Variants in TPTE observed in about 807,000 individuals in gnomAD.
The protein encoded by TPTE is transmembrane phosphatase with tensin homology, also known as putative tyrosine-protein phosphatase TPTE.
TPTE carries 59 observed loss-of-function variants against 84.1 expected under a neutral mutation model. The observed-to-expected ratio is 0.70, with a 90% CI of 0.57 to 0.87. TPTE has a LOEUF of 0.87. Among genes scored for constraint, TPTE ranks in the 40% least tolerant of loss-of-function variants. TPTE has a pLI of 0.00. For missense variants in TPTE, 382 were observed against 659.6 expected, an observed-to-expected ratio of 0.58 and a Z score of 4.61; for synonymous variants, 130 against 223.5, an observed-to-expected ratio of 0.58 and a Z score of 3.73.
At chr21:10,555,337 G>C (rs1370061166) in intron 8 of TPTE, among the ~76,000 whole-genome samples, 1 of 152,304 alleles carries the variant, frequency 6.6e-6, no homozygotes, top group Non-Finnish European at 1.5e-5. Context: ...CTCCTGAGTA[G>C]CTGGGACTAC....
intron 22 of TPTE, among the ~76,000 whole-genome samples, chr21:10,603,292 C>G (rs1295518414): frequency 2.0e-5 from 3 of 152,416 alleles, no homozygotes; most frequent in African/African-American, 7.2e-5. Context: ...AAACCAGATT[C>G]AAATAGCAGC....
At position 10,547,976 on chromosome 21, in the gene TPTE, A is replaced by C. The variant is rs1427578985; in HGVS notation, c.173+4594A>C. Among the ~76,000 whole-genome samples the C allele has an allele frequency of 2.0e-5, 3 of 152,302 alleles. No homozygotes were observed. In the South Asian group the frequency reaches 6.2e-4, roughly 31 times the overall value. On this transcript the variant is annotated intron_variant, in intron 7 of 23. Coordinates refer to ENST00000618007, the MANE Select transcript of TPTE (RefSeq NM_199261.4). ...ACACCCACAGGTCAACAGAGTGACT[A>C]TGAGCCCATGCTCAGGACCTGAGAA...
intron 10 of TPTE, among the ~76,000 whole-genome samples, chr21:10,562,237 A>G (rs1205303508): frequency 6.6e-6 from 1 of 152,312 alleles, no homozygotes; most frequent in Non-Finnish European, 1.5e-5. Flanking sequence ...AGTTCTTTCA[A>G]ATATCTGGAA....
chr21:10,521,760 G>C (rs381935), intron 1 of TPTE, 66 bp downstream of exon 1: 9 of 151,138 alleles, frequency 6.0e-5, no homozygotes, highest in African/African-American at 1.9e-4. Context: ...TTGTTGGGGG[G>C]GGGTCTTGGA....
At chr21:10,553,218 A>G (rs924219267) in intron 8 of TPTE, among the ~76,000 whole-genome samples, 6 of 152,306 alleles carry the variant, frequency 3.9e-5, no homozygotes, top group Admixed American at 3.9e-4. Flanking sequence ...ACTGACCTGA[A>G]GGCATTTTAT....
chr21:10,533,473 C>T (rs1463805476), intron 3 of TPTE, among the ~76,000 whole-genome samples: 3 of 152,306 alleles, frequency 2.0e-5, no homozygotes, highest in African/African-American at 7.2e-5. Flanking sequence ...AGTTGTATTC[C>T]TCAGATATCT....
chr21:10,583,066 G>A (rs796904515), intron 17 of TPTE, among the ~76,000 whole-genome samples: 9 of 152,376 alleles, frequency 5.9e-5, no homozygotes, highest in African/African-American at 2.2e-4. Context: ...CACGTTTCTT[G>A]TTGCACATGT....
chr21:10,545,829 A>G (rs2074456507), intron 7 of TPTE, among the ~76,000 whole-genome samples: 1 of 151,758 alleles, frequency 6.6e-6, no homozygotes, highest in Non-Finnish European at 1.5e-5. Flanking sequence ...ATCTATATAT[A>G]CATATCTATA....
intron 14 of TPTE, among the ~76,000 whole-genome samples, chr21:10,573,753 G>A (rs1355802494): frequency 6.6e-6 from 1 of 152,284 alleles, no homozygotes; most frequent in Non-Finnish European, 1.5e-5. Flanking sequence ...TTTTTTAAAT[G>A]AAAGGAAAGA....
intron 17 of TPTE, among the ~76,000 whole-genome samples, chr21:10,581,513 C>A (rs2145742972): frequency 6.6e-6 from 1 of 152,424 alleles, no homozygotes; most frequent in Non-Finnish European, 1.5e-5. Flanking sequence ...CGAGAGCAGC[C>A]TCTTTTTTAT....
chr21:10,531,179 T>A (rs556719730), intron 3 of TPTE, among the ~76,000 whole-genome samples: 29 of 152,408 alleles, frequency 1.9e-4, no homozygotes, highest in African/African-American at 6.7e-4. Flanking sequence ...TGTTATTGTT[T>A]GGAGATTTGT....
intron 7 of TPTE, among the ~76,000 whole-genome samples, chr21:10,549,803 G>C (rs1403832431): frequency 6.6e-6 from 1 of 152,310 alleles, no homozygotes; most frequent in Non-Finnish European, 1.5e-5. Flanking sequence ...CCTAACTCTT[G>C]AGGGAGAGCT....
chr21:10,575,944 G>C (rs1600936215), intron 14 of TPTE, among the ~76,000 whole-genome samples: 1 of 152,310 alleles, frequency 6.6e-6, no homozygotes, highest in Non-Finnish European at 1.5e-5. Flanking sequence ...AACATGCTGG[G>C]AAGGTTGCAG....
At chr21:10,588,589 C>A (rs1474639945) in intron 17 of TPTE, among the ~76,000 whole-genome samples, 1 of 152,310 alleles carries the variant, frequency 6.6e-6, no homozygotes, top group Non-Finnish European at 1.5e-5. Flanking sequence ...CGAATTATTC[C>A]ATCAAATATG....
intron 14 of TPTE, chr21:10,576,663 A>G (rs1390443710): frequency 6.6e-6 from 1 of 152,330 alleles, no homozygotes; most frequent in Non-Finnish European, 1.5e-5. Flanking sequence ...AGGGTACCAT[A>G]CTAATCAGTT....
At chr21:10,590,561 T>C (rs1165492982) in intron 18 of TPTE, 38 bp downstream of exon 18, 3 of 1,612,868 alleles carry the variant, frequency 1.9e-6, no homozygotes, top group Admixed American at 1.7e-5. Context: ...CTTAGGATGA[T>C]TGAGTTTGCT....
chr21:10,558,740 A>T (rs1010431726), intron 8 of TPTE, among the ~76,000 whole-genome samples: 2 of 152,282 alleles, frequency 1.3e-5, no homozygotes, highest in African/African-American at 2.4e-5. Context: ...GTCTTCTTCT[A>T]CTGAAGCCTC....
chr21:10,574,026 G>A (rs113368995), intron 14 of TPTE, among the ~76,000 whole-genome samples: 4,990 of 139,038 alleles, frequency 0.036, no homozygotes, highest in East Asian at 0.11. Context: ...AATTGTGGCC[G>A]TTTTTGATAG....
intron 15 of TPTE, among the ~76,000 whole-genome samples, 179 bp downstream of exon 15, chr21:10,577,699 A>T (rs562199009): frequency 1.3e-5 from 2 of 152,310 alleles, no homozygotes; most frequent in Non-Finnish European, 2.9e-5. Context: ...GCCCAGCAGC[A>T]CAAAGTACCG....
Sources: allele counts gnomAD v4.1 joint callset (sites outside exome capture counted in the v4.1 genomes callset), GRCh38; gene constraint gnomAD v4.1.1; transcripts MANE v1.5; gene names NCBI Gene and HGNC (gene_info 2026-07-23, HGNC 2026-07-21).